TIAM1: variants seen among roughly 807,000 people sequenced by gnomAD.
TIAM1 encodes rho guanine nucleotide exchange factor TIAM1.
Under a neutral mutation model 163.5 loss-of-function variants are expected in TIAM1, and 65 were observed. The observed-to-expected ratio is 0.40, with a 90% confidence interval of 0.33 to 0.49. The LOEUF (loss-of-function observed/expected upper bound fraction) is 0.49, where lower values mean the gene tolerates loss of function less well. Ranked by LOEUF, TIAM1 falls within the 20% of genes least tolerant of loss-of-function variation. TIAM1 has a pLI of 0.77. For missense variants in TIAM1, 1,789 were observed against 2,044.7 expected, an observed-to-expected ratio of 0.87 and a Z score of 2.41; for synonymous variants, 833 against 810.1, an observed-to-expected ratio of 1.03 and a Z score of -0.48.
chr21:31,549,219 T>C (rs527642760), intron 1 of TIAM1, among the ~76,000 whole-genome samples: 1 of 152,090 alleles, frequency 6.6e-6, no homozygotes, highest in East Asian at 1.9e-4. Context: ...ATCTATAACT[T>C]AATTAGTCAT....
chr21:31,225,671 A>C (rs946830215), intron 7 of TIAM1, 55 bp downstream of exon 7: 638 of 1,421,088 alleles, frequency 4.5e-4, no homozygotes, highest in Non-Finnish European at 5.7e-4. Context: ...AAAAAAAAAA[A>C]CCCTTTTAGA....
rs138084323 is a variant in TIAM1, at chr21:31,358,348, C to T, written c.-368-18926G>A. 4.5e-3 allele frequency among the ~76,000 whole-genome samples: 687 copies of T among 152,292 alleles called. 6 individuals carry two copies. Among genetic ancestry groups the T allele is most frequent in the African/African-American group, 0.016 (653 of 41,566 alleles). ...AGTTCATCTAAATGCCGTCTTCTTG[C>T]CTGTTTCTGGAGAAATCAACCTACA... On this transcript the variant is annotated intron_variant, in intron 2 of 28. Coordinates refer to the TIAM1 transcript ENST00000286827.
Position 31,509,594 on chromosome 21 carries a change from G to A in TIAM1, c.-421-45559C>T, listed in dbSNP as rs183546120. 1.7e-4 allele frequency among the ~76,000 whole-genome samples: 26 copies of A among 152,240 alleles called. 2 individuals carry two copies. The highest frequency in any genetic ancestry group is 5.1e-4 in the African/African-American group (21 of 41,564). ...ATGTCTCATGCCTCATCTCCTTCCCGAGGCACGCCTCTCTCAGTCCCCTGC... is the reference window on the plus strand; with the variant it reads ...ATGTCTCATGCCTCATCTCCTTCCCAAGGCACGCCTCTCTCAGTCCCCTGC... On this transcript the variant is annotated intron_variant, in intron 1 of 28. Coordinates refer to the TIAM1 transcript ENST00000286827.
chr21:31,531,094 A>G (rs571488609), intron 1 of TIAM1, among the ~76,000 whole-genome samples: 3 of 152,104 alleles, frequency 2.0e-5, no homozygotes, highest in East Asian at 1.9e-4. Flanking sequence ...TGTTTTCCCA[A>G]CGTCCTCTCT....
rs372457396 is a variant in TIAM1, at chr21:31,430,155, G to A, written c.-369+33828C>T. 4.0e-5 allele frequency among the ~76,000 whole-genome samples: 6 copies of A among 149,788 alleles called. No individual in the cohort carries two copies. In the East Asian group the frequency reaches 5.9e-4, roughly 15 times the overall value. On this transcript the variant is annotated intron_variant, in intron 2 of 28. Coordinates refer to the TIAM1 transcript ENST00000286827. Reference sequence around the variant, plus strand: ...CGGGAGATGGAGGTTGCAGTGAGCCGAGGTCGCGCCATTGCACTCCAGCCT... The same window carrying A: ...CGGGAGATGGAGGTTGCAGTGAGCCAAGGTCGCGCCATTGCACTCCAGCCT...
intron 1 of TIAM1, among the ~76,000 whole-genome samples, chr21:31,520,635 T>G (rs2047547790): frequency 6.6e-6 from 1 of 152,198 alleles, no homozygotes; most frequent in African/African-American, 2.4e-5. Flanking sequence ...ACTTCTGTAA[T>G]ATGAATGATC....
At chr21:31,190,280 C>T (rs753828408) in intron 13 of TIAM1, among the ~76,000 whole-genome samples, 1 of 152,006 alleles carries the variant, frequency 6.6e-6, no homozygotes, top group Non-Finnish European at 1.5e-5. Context: ...CATGGTGGCA[C>T]GTGCCTTGTA....
chr21:31,308,476 T>C (rs562253034), intron 2 of TIAM1, among the ~76,000 whole-genome samples: 5 of 150,926 alleles, frequency 3.3e-5, no homozygotes, highest in African/African-American at 1.2e-4. Flanking sequence ...TTATATTATA[T>C]ATTAATTACA....
chr21:31,403,507 C>A (rs1233496662), intron 2 of TIAM1, among the ~76,000 whole-genome samples: 10 of 152,154 alleles, frequency 6.6e-5, no homozygotes, highest in African/African-American at 2.2e-4. Flanking sequence ...CAACTCCCCG[C>A]TGCTTTTTTT....
chr21:31,185,437 A>G (rs1420801762), intron 14 of TIAM1, among the ~76,000 whole-genome samples: 1 of 145,342 alleles, frequency 6.9e-6, no homozygotes, highest in South Asian at 2.1e-4. Context: ...ATAATTATAT[A>G]TAATTATATT....
At chr21:31,146,545 T>C (rs1410444232) in intron 20 of TIAM1, among the ~76,000 whole-genome samples, 1 of 149,360 alleles carries the variant, frequency 6.7e-6, no homozygotes, top group Admixed American at 6.7e-5. Flanking sequence ...ACTCCATCTC[T>C]GCTAAAAATA....
chr21:31,544,685 G>A (rs2048431408), intron 1 of TIAM1, among the ~76,000 whole-genome samples: 1 of 151,774 alleles, frequency 6.6e-6, no homozygotes, highest in Non-Finnish European at 1.5e-5. Flanking sequence ...GCTGGGCATG[G>A]TTATGGGTTG....
At chr21:31,394,720 TCTCTCTCTCACACA>T (rs1207561665) in intron 2 of TIAM1, among the ~76,000 whole-genome samples, 1 of 123,282 alleles carries the variant, frequency 8.1e-6, no homozygotes, top group African/African-American at 3.2e-5. Context: ...TCTCTCTCTC[TCTCTCTCTCACACA>T]CACACACACA....
chr21:31,228,680 G>A (rs982102701), intron 6 of TIAM1, among the ~76,000 whole-genome samples: 3 of 152,140 alleles, frequency 2.0e-5, no homozygotes, highest in Non-Finnish European at 2.9e-5. Context: ...GGAATCAGAT[G>A]CACTGCAGTA....
At chr21:31,544,471 T>TA (rs1305082872) in intron 1 of TIAM1, among the ~76,000 whole-genome samples, 2 of 147,892 alleles carry the variant, frequency 1.4e-5, no homozygotes, top group Non-Finnish European at 3.0e-5. Flanking sequence ...CCTACAAAAA[T>TA]ACAAAAATTA....
intron 2 of TIAM1, among the ~76,000 whole-genome samples, chr21:31,316,874 G>A (rs151066666): frequency 7.9e-5 from 12 of 152,254 alleles, no homozygotes; most frequent in African/African-American, 2.6e-4. Context: ...GAAAGATCCT[G>A]CCCCCCAGGG....
At chr21:31,210,900 A>G (rs1450126773) in intron 10 of TIAM1, among the ~76,000 whole-genome samples, 3 of 152,104 alleles carry the variant, frequency 2.0e-5, no homozygotes, top group Non-Finnish European at 4.4e-5. Context: ...CAACAAGCAC[A>G]TCTGCCATGA....
At chr21:31,182,766 A>G (rs2085095271) in intron 14 of TIAM1, 121 bp from the exon 15 acceptor site, 1 of 1,015,960 alleles carries the variant, frequency 9.8e-7, no homozygotes, top group African/African-American at 1.6e-5. Context: ...GCTGCTGCAG[A>G]CAGGCTGCGG....
chr21:31,541,304 A>G (rs1429647381), intron 1 of TIAM1, among the ~76,000 whole-genome samples: 1 of 151,994 alleles, frequency 6.6e-6, no homozygotes, highest in Non-Finnish European at 1.5e-5. Flanking sequence ...AAAAAATACA[A>G]AAGTTAGCCA....
Sources: gnomAD v4.1 joint callset for allele counts (sites outside exome capture counted in the v4.1 genomes callset) on GRCh38, gnomAD v4.1.1 for gene constraint, MANE v1.5 for transcripts, NCBI Gene and HGNC (gene_info 2026-07-23, HGNC 2026-07-21) for gene names.